POU2F2: variants seen among roughly 807,000 people sequenced by gnomAD.
POU2F2 encodes the protein POU domain, class 2, transcription factor 2.
In POU2F2, 14 loss-of-function variants were observed where a neutral mutation model predicts 63.5. The ratio of observed to expected loss-of-function variants is 0.22; its 90% confidence interval spans 0.15 to 0.34. The LOEUF (loss-of-function observed/expected upper bound fraction) is 0.34, where lower values mean the gene tolerates loss of function less well. POU2F2 is among the 10% of genes least tolerant of loss of function. The pLI is 1.00. For missense variants in POU2F2, 607 were observed against 815.2 expected (o/e 0.74, Z 3.11); for synonymous variants, 306 against 348.6 (o/e 0.88, Z 1.36).
upstream of POU2F2, among the ~76,000 whole-genome samples, chr19:42,176,687 G>T (rs1477910697): frequency 6.3e-5 from 9 of 142,340 alleles, 1 homozygote; most frequent in East Asian, 1.7e-3. Flanking sequence ...CTCTCCTTTG[G>T]TTCCCTCACT....
At chr19:42,191,464 C>T (rs1183636548) in intron 1 of POU2F2, among the ~76,000 whole-genome samples, 3 of 152,108 alleles carry the variant, frequency 2.0e-5, no homozygotes, top group African/African-American at 7.3e-5. Flanking sequence ...CTTCCTGCTG[C>T]CTTCACCTCC....
At chr19:42,107,703 A>G (rs2030352789) in intron 5 of POU2F2, among the ~76,000 whole-genome samples, 1 of 152,180 alleles carries the variant, frequency 6.6e-6, no homozygotes, top group Non-Finnish European at 1.5e-5. Context: ...ATCCAAGTTC[A>G]TGGACTCTGA....
At chr19:42,185,277 G>A (rs930507732) in intron 1 of POU2F2, among the ~76,000 whole-genome samples, 4 of 151,780 alleles carry the variant, frequency 2.6e-5, no homozygotes, top group Non-Finnish European at 5.9e-5. Context: ...CTCCTGCTTG[G>A]CCCATGAATC....
Position 42,093,881 on chromosome 19 carries a change from C to G in POU2F2, c.1212G>C (p.Gly404=), listed in dbSNP as rs1173359909. 6.2e-7 allele frequency: 1 copy of G among 1,611,674 alleles called. No individual in the cohort carries two copies. The highest frequency in any genetic ancestry group is 2.2e-5 in the East Asian group (1 of 44,802). ...SYSPHMVTPQ[G]GAGTLPLSQA... ...GGGACAACGGTAAGGTCCCCGCGCC[C>G]CCTTGGGGTGTGACCTGAGGAGAGA... The change falls in exon 12 of 15, where the codon GGG becomes GGC. Residue 404 remains glycine, a synonymous_variant. Transcript: ENST00000692977.
rs2034398263 is a variant in POU2F2, at chr19:42,153,622, C to T, written c.-9+6710G>A. On this transcript the variant is annotated intron_variant, in intron 2 of 6. Coordinates refer to the POU2F2 transcript ENST00000524801. This position sits in a 1 kb window ranked among gnomAD's most constrained non-coding sequence, Gnocchi z 5.6. Reference sequence around the variant, plus strand: ...TCTCTATGTGTACTGGAAGCAGGTTCTCCTCATGAGTGTCGGAGAGTCCAT... The same window carrying T: ...TCTCTATGTGTACTGGAAGCAGGTTTTCCTCATGAGTGTCGGAGAGTCCAT... Among the ~76,000 whole-genome samples, 1 of 152,088 alleles carries T rather than the reference C, an allele frequency of 6.6e-6. No individual in the cohort carries two copies. The highest frequency in any genetic ancestry group is 6.5e-5 in the Admixed American group (1 of 15,270).
chr19:42,185,632 G>C (rs774674124), intron 1 of POU2F2, among the ~76,000 whole-genome samples: 1 of 152,034 alleles, frequency 6.6e-6, no homozygotes, highest in African/African-American at 2.4e-5. Context: ...TGTCCCCCTG[G>C]CTAACTTCTA....
At chr19:42,113,431 G>A (rs188398718) in intron 5 of POU2F2, among the ~76,000 whole-genome samples, 17 of 152,288 alleles carry the variant, frequency 1.1e-4, no homozygotes, top group Admixed American at 9.2e-4. Flanking sequence ...TTGCCCCTTC[G>A]TCTGTACAAG....
intron 12 of POU2F2, among the ~76,000 whole-genome samples, chr19:42,093,115 A>G (rs924056645): frequency 6.9e-6 from 1 of 145,038 alleles, no homozygotes; most frequent in Non-Finnish European, 1.5e-5. Context: ...GATTCAAGTG[A>G]TTCTCCTGCC....
rs751804896 is a variant in POU2F2 at position 42,095,955 on chromosome 19, C to T, written c.730-26G>A. 25 of 1,608,716 alleles carry T rather than the reference C, an allele frequency of 1.6e-5. No homozygotes were observed. Among genetic ancestry groups the T allele is most frequent in the Non-Finnish European group, 2.1e-5 (25 of 1,177,316 alleles). ...CTGGGCCAGTGGGGCGGGGAAGGGC[C>T]CGAAGTCAGGGTGGGGCCTTCCGGC... On this transcript the variant is annotated intron_variant, in intron 8 of 14. Transcript: ENST00000692977. This position sits in a 1 kb window ranked among gnomAD's most constrained non-coding sequence, Gnocchi z 7.1.
At chr19:42,115,194 G>A (rs1021296373) in intron 5 of POU2F2, among the ~76,000 whole-genome samples, 5 of 152,058 alleles carry the variant, frequency 3.3e-5, no homozygotes, top group African/African-American at 7.2e-5. Context: ...GGAGCCATGC[G>A]CCCAGTTTAC....
chr19:42,093,856 G>C lies in POU2F2; in HGVS notation c.1237C>G (p.Gln413Glu). 5.0e-6 allele frequency: 8 copies of C among 1,612,140 alleles called. No homozygotes were observed. Among genetic ancestry groups the C allele is most frequent in the Non-Finnish European group, 6.8e-6 (8 of 1,178,510 alleles). The change falls in exon 12 of 15, where the codon CAA (glutamine) becomes GAA (glutamate). Residue 413 changes from glutamine to glutamate, a missense_variant. By Grantham distance (29) the Gln-to-Glu change is conservative. This residue lies in a region of POU2F2 where 270 missense variants were observed against 307.5 expected (regional missense o/e 0.88). Transcript: ENST00000692977. ...QGGAGTLPLS[Q>E]ASSSLSTTVT... The stretch of plus-strand genomic sequence containing the variant: ...GTTGTGCTCAGACTGCTGGAAGCTT[G>C]GGACAACGGTAAGGTCCCCGCGCCC...
At position 42,091,900 on chromosome 19, in the gene POU2F2, G is replaced by C; in HGVS notation, c.1507C>G (p.Leu503Val). ...VGLSSGLSPALMSNNPLATIQ... is the reference protein window; with the variant it reads ...VGLSSGLSPAVMSNNPLATIQ... ...GTGGCCAAAGGGTTGTTGCTCATGA[G>C]GGCTGGACTCAGCCCGGAGCTCAAC... is the stretch of plus-strand genomic sequence containing the variant. The change falls in exon 14 of 15, where the codon CTC becomes GTC. Residue 503 changes from leucine (L) to valine (V), a missense_variant. Physicochemically the swap from Leu to Val is conservative, Grantham distance 32 (BLOSUM62 1). This residue lies in a region of POU2F2 where 270 missense variants were observed against 307.5 expected (regional missense o/e 0.88). Coordinates refer to ENST00000692977, the MANE Select transcript of POU2F2 (RefSeq NM_001394376.1). 9 of 1,540,136 alleles carry C rather than the reference G, an allele frequency of 5.8e-6. No individual in the cohort carries two copies. Among genetic ancestry groups the C allele is most frequent in the Non-Finnish European group, 7.8e-6 (9 of 1,146,856 alleles).
chr19:42,117,836 T>A lies in POU2F2; in HGVS notation c.187-404A>T, dbSNP rs1304062611. 1.3e-5 allele frequency among the ~76,000 whole-genome samples: 2 copies of A among 151,396 alleles called. No individual in the cohort carries two copies. The highest frequency in any genetic ancestry group is 4.9e-5 in the African/African-American group (2 of 41,170). On this transcript the variant is annotated intron_variant, in intron 4 of 14. Coordinates refer to ENST00000692977, the MANE Select transcript of POU2F2 (RefSeq NM_001394376.1). This position sits in a 1 kb window ranked among gnomAD's most constrained non-coding sequence, Gnocchi z 4.4. ...TTCTGAAAAAAAAAAAGGAAAATAC[T>A]CCCACTGGGCACCTGGGAGGTCAAA...
intron 1 of POU2F2, among the ~76,000 whole-genome samples, chr19:42,168,702 C>T (rs934144418): frequency 2.6e-5 from 4 of 152,162 alleles, no homozygotes; most frequent in Non-Finnish European, 2.9e-5. Flanking sequence ...GGGAAAAGTG[C>T]GGCATAGTGG....
chr19:42,091,116 G>A lies in POU2F2; in HGVS notation c.*141C>T. On this transcript the variant is annotated 3_prime_UTR_variant, in exon 15 of 15. Transcript: ENST00000692977. ...TTCCTTTTTTTTTTTTTTTTTGGTT[G>A]GTTGTTTTTTTGGTCTTTCCTCCCT... 1 of 452,922 alleles carries A rather than the reference G, an allele frequency of 2.2e-6. No homozygotes were observed. Among genetic ancestry groups the A allele is most frequent in the East Asian group, 3.7e-5 (1 of 26,962 alleles). 28.1% of individuals were successfully genotyped at this position (452,922 alleles called of 1,614,324 possible). A position where few individuals can be genotyped will look rare whatever the true frequency, so the allele number is the denominator to read the frequency against.
chr19:42,174,212 C>T (rs1257810353), intron 1 of POU2F2, among the ~76,000 whole-genome samples: 2 of 152,176 alleles, frequency 1.3e-5, no homozygotes, highest in Non-Finnish European at 2.9e-5. Flanking sequence ...CACGCAGAGA[C>T]CCCGAGCAAT....
At chr19:42,196,695 T>TC (rs1568431401), upstream of POU2F2, 2 of 152,408 alleles carry the variant, frequency 1.3e-5, no homozygotes, top group African/African-American at 4.8e-5. Flanking sequence ...CGAGGGTCAG[T>TC]CCCTCACCCC....
At position 42,117,220 on chromosome 19, in the gene POU2F2, C is replaced by G; in HGVS notation, c.369+30G>C. On this transcript the variant is annotated intron_variant, in intron 5 of 14. Coordinates refer to ENST00000692977, the MANE Select transcript of POU2F2 (RefSeq NM_001394376.1). This position sits in a 1 kb window ranked among gnomAD's most constrained non-coding sequence, Gnocchi z 4.4. ...CAGATGAGGGGTGGCTGGTTTGTCC[C>G]CTCGTCCCCATCCTTCCCCAAGTAC... The G allele has an allele frequency of 6.9e-7, 1 of 1,450,492 alleles. No individual in the cohort carries two copies. Among genetic ancestry groups the G allele is most frequent in the Non-Finnish European group, 9.1e-7 (1 of 1,098,042 alleles). The allele number at this position is 1,450,492 out of a possible 1,614,324, so 89.9% of individuals were successfully genotyped here.
intron 11 of POU2F2, among the ~76,000 whole-genome samples, chr19:42,094,179 C>G (rs938360838): frequency 6.6e-6 from 1 of 152,172 alleles, no homozygotes; most frequent in African/African-American, 2.4e-5. Flanking sequence ...GTGACTGCAC[C>G]GGAAGAGTGG....
Sources: allele counts gnomAD v4.1 joint callset (sites outside exome capture counted in the v4.1 genomes callset), GRCh38; gene constraint gnomAD v4.1.1; regional missense constraint gnomAD v4.1.1; non-coding constraint Gnocchi (gnomAD v3.1); transcripts MANE v1.5; gene names NCBI Gene and HGNC (gene_info 2026-07-23, HGNC 2026-07-21).